PTPRD: variants seen among roughly 807,000 people sequenced by gnomAD.
PTPRD encodes the protein receptor-type tyrosine-protein phosphatase delta.
A neutral mutation model predicts 214.5 loss-of-function variants in PTPRD; 34 were observed. That is an observed-to-expected ratio of 0.16 (90% CI 0.12 to 0.21). The LOEUF is 0.21. PTPRD is among the 10% of genes least tolerant of loss of function. PTPRD has a pLI of 1.00. For missense variants in PTPRD, 2,545 were observed against 2,398.7 expected, an observed-to-expected ratio of 1.06 and a Z score of -1.27; for synonymous variants, 1,128 against 845.7, an observed-to-expected ratio of 1.33 and a Z score of -5.79.
chr9:8,670,627 T>A (rs569724911), intron 12 of PTPRD, among the ~76,000 whole-genome samples: 2 of 152,312 alleles, frequency 1.3e-5, no homozygotes, highest in South Asian at 4.1e-4. Flanking sequence ...TAAATATGCA[T>A]AATAAAATTT....
At chr9:8,879,602 T>A (rs2098424838) in intron 11 of PTPRD, among the ~76,000 whole-genome samples, 1 of 152,168 alleles carries the variant, frequency 6.6e-6, no homozygotes, top group South Asian at 2.1e-4. Flanking sequence ...CCTATCCCAA[T>A]TGTGAATTAT....
chr9:10,609,717 C>T (rs1192564054), intron 2 of PTPRD, among the ~76,000 whole-genome samples: 1 of 152,054 alleles, frequency 6.6e-6, no homozygotes, highest in Non-Finnish European at 1.5e-5. Context: ...ATGAATAGCT[C>T]AACCTTCCAA....
intron 11 of PTPRD, among the ~76,000 whole-genome samples, chr9:8,901,602 G>A (rs574708325): frequency 6.6e-6 from 1 of 152,308 alleles, no homozygotes; most frequent in African/African-American, 2.4e-5. Flanking sequence ...TGACAGAGCA[G>A]AGGCTGGAAC....
intron 12 of PTPRD, among the ~76,000 whole-genome samples, chr9:8,728,442 C>A (rs2098611807): frequency 6.6e-6 from 1 of 152,194 alleles, no homozygotes. Flanking sequence ...AAATGATCCT[C>A]CTGCCTCAGT....
intron 10 of PTPRD, among the ~76,000 whole-genome samples, chr9:9,078,937 T>C (rs533775676): frequency 6.6e-6 from 1 of 152,174 alleles, no homozygotes; most frequent in African/African-American, 2.4e-5. Context: ...ATACTCATAA[T>C]GTTGAGTGAT....
At chr9:10,328,034 C>T (rs2154432500) in intron 3 of PTPRD, among the ~76,000 whole-genome samples, 2 of 151,768 alleles carry the variant, frequency 1.3e-5, no homozygotes, top group Middle Eastern at 3.4e-3. Context: ...TTGTAAGCTT[C>T]CTGCCCCTGT....
chr9:8,486,277 A>C lies in PTPRD; in HGVS notation c.2540T>G (p.Val847Gly), dbSNP rs1405436279. The C allele has an allele frequency of 2.5e-6, 4 of 1,614,190 alleles. No homozygotes were observed. In the South Asian group the frequency reaches 3.3e-5, roughly 13 times the overall value. Residue 847 changes from valine to glycine, a missense_variant, in exon 28 of 46, where the codon GTG (valine) becomes GGG (glycine). Val to Gly is a moderately radical substitution (Grantham distance 109). Transcript: ENST00000381196. ...NTALIQWHPP[V>G]DTFGPLQGYR... ...GCCCTGAAGAGGTCCAAATGTGTCCACCGGAGGGTGCCACTGAATAAGAGC... is the reference window on the plus strand; with the variant it reads ...GCCCTGAAGAGGTCCAAATGTGTCCCCCGGAGGGTGCCACTGAATAAGAGC...
intron 2 of PTPRD, among the ~76,000 whole-genome samples, chr9:10,502,996 G>A (rs1166349440): frequency 6.6e-6 from 1 of 151,636 alleles, no homozygotes; most frequent in Admixed American, 6.6e-5. Flanking sequence ...AATTGTTTTT[G>A]CTTTATTTTG....
intron 3 of PTPRD, among the ~76,000 whole-genome samples, chr9:10,096,133 G>A (rs891840266): frequency 1.1e-4 from 16 of 151,598 alleles, no homozygotes. Flanking sequence ...TTGAACAATG[G>A]AGGAAATATC....
chr9:9,131,611 T>C (rs1420884017), intron 10 of PTPRD, among the ~76,000 whole-genome samples: 1 of 152,182 alleles, frequency 6.6e-6, no homozygotes, highest in African/African-American at 2.4e-5. Flanking sequence ...CACATAGTAA[T>C]AGTTACTTGG....
chr9:9,015,596 T>C (rs1270841079), intron 11 of PTPRD, among the ~76,000 whole-genome samples: 1 of 152,212 alleles, frequency 6.6e-6, no homozygotes, highest in Non-Finnish European at 1.5e-5. Flanking sequence ...TTCACTTTCC[T>C]AATAAATTTG....
At chr9:8,980,639 A>T (rs565136294) in intron 11 of PTPRD, among the ~76,000 whole-genome samples, 1 of 152,256 alleles carries the variant, frequency 6.6e-6, no homozygotes, top group African/African-American at 2.4e-5. Flanking sequence ...TTTCCTAAAC[A>T]GATGGAATTT....
chr9:9,776,554 A>G (rs1192401357), intron 5 of PTPRD, among the ~76,000 whole-genome samples: 1 of 152,180 alleles, frequency 6.6e-6, no homozygotes, highest in African/African-American at 2.4e-5. Flanking sequence ...AAACAATATG[A>G]TTCATAGTGT....
At chr9:10,335,160 G>T (rs2096823529) in intron 3 of PTPRD, among the ~76,000 whole-genome samples, 1 of 151,678 alleles carries the variant, frequency 6.6e-6, no homozygotes, top group East Asian at 2.0e-4. Flanking sequence ...ACAAAGTCCA[G>T]GACTGACACT....
At chr9:10,441,285 A>G (rs1433909255) in intron 2 of PTPRD, among the ~76,000 whole-genome samples, 3 of 151,640 alleles carry the variant, frequency 2.0e-5, no homozygotes, top group Admixed American at 6.6e-5. Context: ...TCCTGATTTG[A>G]TCTGTATTTA....
At chr9:8,904,954 T>C (rs1486498953) in intron 11 of PTPRD, among the ~76,000 whole-genome samples, 1 of 152,132 alleles carries the variant, frequency 6.6e-6, no homozygotes, top group African/African-American at 2.4e-5. Context: ...CACATTAAAA[T>C]TGGCCGAAGA....
intron 9 of PTPRD, among the ~76,000 whole-genome samples, chr9:9,283,357 A>G (rs1315826108): frequency 6.6e-6 from 1 of 151,534 alleles, no homozygotes; most frequent in Non-Finnish European, 1.5e-5. Context: ...TATTCATTGT[A>G]TTACTGTGAG....
chr9:9,737,739 C>G (rs1312831263), intron 6 of PTPRD, among the ~76,000 whole-genome samples: 1 of 152,106 alleles, frequency 6.6e-6, no homozygotes, highest in Non-Finnish European at 1.5e-5. Flanking sequence ...ATTCACTAGC[C>G]GAAGGACATT....
intron 10 of PTPRD, among the ~76,000 whole-genome samples, chr9:9,138,320 T>C (rs1249435216): frequency 1.3e-5 from 2 of 152,128 alleles, no homozygotes; most frequent in African/African-American, 2.4e-5. Context: ...TAATTATTTA[T>C]ATGACATGAA....
Sources: allele counts gnomAD v4.1 joint callset (sites outside exome capture counted in the v4.1 genomes callset), GRCh38; gene constraint gnomAD v4.1.1; transcripts MANE v1.5; gene names NCBI Gene and HGNC (gene_info 2026-07-23, HGNC 2026-07-21).